SPHKAP: variants seen among roughly 807,000 people sequenced by gnomAD.
SPHKAP encodes the protein SPHK1 interactor, AKAP domain containing.
SPHKAP carries 67 observed loss-of-function variants against 137.5 expected under a neutral mutation model. The observed-to-expected ratio is 0.49, with a 90% CI of 0.40 to 0.60. SPHKAP has a LOEUF of 0.60. Among genes scored for constraint, SPHKAP ranks in the 20% least tolerant of loss-of-function variants. SPHKAP has a pLI of 0.00. For synonymous variants in SPHKAP, 813 were observed against 785.3 expected, an observed-to-expected ratio of 1.04 and a Z score of -0.59; for missense variants, 2,097 against 2,069.3, an observed-to-expected ratio of 1.01 and a Z score of -0.26.
chr2:228,027,960 GAA>G (rs113514692), intron 3 of SPHKAP: 3,226 of 793,200 alleles, frequency 4.1e-3, no homozygotes, highest in Non-Finnish European at 4.4e-3. Context: ...GACTGCATCT[GAA>G]AAAAAAAAAA....
At chr2:228,138,712 T>C (rs970628607) in intron 1 of SPHKAP, among the ~76,000 whole-genome samples, 3 of 152,206 alleles carry the variant, frequency 2.0e-5, no homozygotes, top group Admixed American at 6.5e-5. Context: ...CTTAATCTCC[T>C]AGACCAGTAA....
chr2:228,141,786 G>A (rs570988019), intron 1 of SPHKAP, among the ~76,000 whole-genome samples: 1 of 152,196 alleles, frequency 6.6e-6, no homozygotes, highest in East Asian at 1.9e-4. Context: ...GCTTACAGAA[G>A]ACTAATCTGA....
At chr2:228,085,786 G>A (rs1434292314) in intron 3 of SPHKAP, among the ~76,000 whole-genome samples, 2 of 152,066 alleles carry the variant, frequency 1.3e-5, no homozygotes, top group Non-Finnish European at 2.9e-5. Context: ...TGGACTCCAT[G>A]TATTATAAGG....
intron 1 of SPHKAP, chr2:228,169,626 A>C (rs1700523583): frequency 6.6e-6 from 1 of 152,066 alleles, no homozygotes; most frequent in African/African-American, 2.4e-5. Context: ...GCTCTGATGA[A>C]GTTGTAGAAG....
intron 1 of SPHKAP, among the ~76,000 whole-genome samples, chr2:228,147,329 T>G (rs1012552931): frequency 2.6e-5 from 4 of 152,212 alleles, no homozygotes; most frequent in African/African-American, 4.8e-5. Context: ...GTAGAAATCA[T>G]ACATATAAAC....
In SPHKAP at chr2:227,981,839, C is replaced by T; in HGVS notation, c.4981G>A (p.Val1661Ile). The T allele has an allele frequency of 1.2e-6, 2 of 1,613,498 alleles. No homozygotes were observed. Among genetic ancestry groups the T allele is most frequent in the South Asian group, 1.1e-5 (1 of 91,026 alleles). ...CCCACTTTCCAGGACTTCCGATGAACCAGCTGCACGACATCTAGAAACTAA... is the reference window on the plus strand; with the variant it reads ...CCCACTTTCCAGGACTTCCGATGAATCAGCTGCACGACATCTAGAAACTAA... ...IEKFLDVVQL[V>I]HRKSWKVGDI... The change falls in exon 12 of 12, where the codon GTT becomes ATT. Residue 1661 changes from valine to isoleucine, a missense_variant. By Grantham distance (29) the Val-to-Ile change is conservative. Transcript: ENST00000392056.
rs1165238698 is a variant in SPHKAP at position 228,016,646 on chromosome 2, T to A, written c.4208A>T (p.Lys1403Ile). Residue 1403 changes from lysine to isoleucine, a missense_variant, in exon 7 of 12, where the codon AAA becomes ATA. By Grantham distance (102) the Lys-to-Ile change is moderately radical. Transcript: ENST00000392056. ...AGGGTCCTGGCACGAGGAAGTTTCT[T>A]TTTTAGAATCTAAAGGGCTGTGGTT... ...LTNHSPLDSK[K>I]ETSSCQDPVP... 6.2e-7 allele frequency: 1 copy of A among 1,613,724 alleles called. No individual in the cohort carries two copies. The highest frequency in any genetic ancestry group is 2.2e-5 in the East Asian group (1 of 44,870).
chr2:228,006,960 C>T (rs1184317058), intron 7 of SPHKAP, among the ~76,000 whole-genome samples: 1 of 152,200 alleles, frequency 6.6e-6, no homozygotes, highest in Non-Finnish European at 1.5e-5. Context: ...CTGCGGGATG[C>T]CTCCCAGATA....
intron 2 of SPHKAP, among the ~76,000 whole-genome samples, chr2:228,112,262 G>A (rs1369724745): frequency 6.6e-6 from 1 of 152,106 alleles, no homozygotes; most frequent in East Asian, 1.9e-4. Context: ...TTTTGGCTAA[G>A]ATCAAGTGTA....
At chr2:227,982,168 T>C (rs979356936) in intron 11 of SPHKAP, 7 of 985,302 alleles carry the variant, frequency 7.1e-6, no homozygotes, top group Non-Finnish European at 8.4e-6. Flanking sequence ...AGTGTTTTCT[T>C]GGGTCTGCTT....
At chr2:228,152,628 T>C in intron 1 of SPHKAP, among the ~76,000 whole-genome samples, 1 of 152,138 alleles carries the variant, frequency 6.6e-6, no homozygotes, top group East Asian at 1.9e-4. Context: ...AATGTCTGCT[T>C]TCCTACAATC....
intron 3 of SPHKAP, among the ~76,000 whole-genome samples, chr2:228,106,338 A>G (rs1698345299): frequency 1.3e-5 from 2 of 151,002 alleles, no homozygotes; most frequent in Admixed American, 1.3e-4. Context: ...GTTGGCTACT[A>G]ATTTAGGTCA....
At chr2:228,001,726 C>A (rs1015657824) in intron 7 of SPHKAP, among the ~76,000 whole-genome samples, 5 of 151,872 alleles carry the variant, frequency 3.3e-5, no homozygotes, top group African/African-American at 1.2e-4. Flanking sequence ...CCGCTCCCCG[C>A]AGCCCACAAC....
intron 2 of SPHKAP, among the ~76,000 whole-genome samples, chr2:228,110,367 T>C (rs1698481085): frequency 1.3e-5 from 2 of 152,226 alleles, no homozygotes; most frequent in Admixed American, 6.5e-5. Context: ...TATCATTTAT[T>C]ATATTAGTGA....
chr2:228,015,896 A>T lies in SPHKAP; in HGVS notation c.4448+510T>A, dbSNP rs146943114. ...CAAAATATTTAATGTCAAATGCCAA[A>T]ACTAATATTTATTTGACTGTTTTCA... is the stretch of plus-strand genomic sequence containing the variant. On this transcript the variant is annotated intron_variant, in intron 7 of 11. Transcript: ENST00000392056. 3.9e-3 allele frequency among the ~76,000 whole-genome samples: 598 copies of T among 152,332 alleles called. 2 individuals carry two copies. Among genetic ancestry groups the T allele is most frequent in the African/African-American group, 0.013 (559 of 41,578 alleles).
intron 1 of SPHKAP, among the ~76,000 whole-genome samples, chr2:228,159,741 A>G (rs1178055321): frequency 2.6e-5 from 4 of 152,204 alleles, no homozygotes; most frequent in Non-Finnish European, 5.9e-5. Context: ...GTCATCTTCT[A>G]TAGACTACAG....
chr2:228,092,865 C>T (rs1249409465), intron 3 of SPHKAP, among the ~76,000 whole-genome samples: 4 of 151,832 alleles, frequency 2.6e-5, no homozygotes, highest in Non-Finnish European at 5.9e-5. Flanking sequence ...TATGAGGATG[C>T]AAAGGCATGA....
chr2:228,133,422 C>A (rs1699329147), intron 1 of SPHKAP, among the ~76,000 whole-genome samples: 1 of 151,874 alleles, frequency 6.6e-6, no homozygotes, highest in Non-Finnish European at 1.5e-5. Context: ...TGACTGGAAA[C>A]TCAAAATTAA....
At chr2:228,078,394 T>G (rs908264879) in intron 3 of SPHKAP, among the ~76,000 whole-genome samples, 170 of 151,986 alleles carry the variant, frequency 1.1e-3, no homozygotes, top group African/African-American at 3.8e-3. Context: ...TTTTTTTTTT[T>G]TTTTTGTAAG....
Sources: gnomAD v4.1 joint callset for allele counts (sites outside exome capture counted in the v4.1 genomes callset) on GRCh38, gnomAD v4.1.1 for gene constraint, MANE v1.5 for transcripts, NCBI Gene and HGNC (gene_info 2026-07-23, HGNC 2026-07-21) for gene names.